The following PYCARD variants were observed in gnomAD, a reference collection of about 807,000 sequenced individuals.
PYCARD encodes PYD and CARD domain containing, also known as apoptosis-associated speck-like protein containing a CARD.
PYCARD carries 10 observed loss-of-function variants against 10.0 expected under a neutral mutation model. The observed-to-expected ratio is 1.00, with a 90% CI of 0.62 to 1.69. The LOEUF is 1.69. PYCARD is among the 40% of genes most tolerant of loss of function. The pLI is 0.00. For synonymous variants in PYCARD, 121 were observed against 122.3 expected, an observed-to-expected ratio of 0.99 and a Z score of 0.07; for missense variants, 239 against 260.2, an observed-to-expected ratio of 0.92 and a Z score of 0.56.
chr16:31,202,232 T>C lies in PYCARD; in HGVS notation c.275-29A>G. 2 of 1,594,740 alleles carry C rather than the reference T, an allele frequency of 1.3e-6. No homozygotes were observed. The highest frequency in any genetic ancestry group is 1.7e-6 in the Non-Finnish European group (2 of 1,176,946). ...GAAGGATATGGGCCAAGTGATCCCC[T>C]TCCCTTCCCTTCCCGCCGTGGGGCC... On this transcript the variant is annotated intron_variant, in intron 1 of 2. Coordinates refer to ENST00000247470, the MANE Select transcript of PYCARD (RefSeq NM_013258.5). The surrounding 1 kb of genome is among the most constrained non-coding windows in gnomAD (Gnocchi z 4.5).
Position 31,202,138 on chromosome 16 carries a change from A to C in PYCARD, c.331+9T>G, listed in dbSNP as rs2079447904. ...TGCGGTGGGGCCGGGCTGGGTGTGG[A>C]GGCCTCACCTGGCTTGGCTGCCGAC... On this transcript the variant is annotated intron_variant, in intron 2 of 2. Coordinates refer to ENST00000247470, the MANE Select transcript of PYCARD (RefSeq NM_013258.5). This position sits in a 1 kb window ranked among gnomAD's most constrained non-coding sequence, Gnocchi z 4.5. 1 of 1,606,228 alleles carries C rather than the reference A, an allele frequency of 6.2e-7. No homozygotes were observed. Among genetic ancestry groups the C allele is most frequent in the East Asian group, 2.2e-5 (1 of 44,802 alleles).
chr16:31,202,228 C>G lies in PYCARD; in HGVS notation c.275-25G>C. On this transcript the variant is annotated intron_variant, in intron 1 of 2. Coordinates refer to ENST00000247470, the MANE Select transcript of PYCARD (RefSeq NM_013258.5). The surrounding 1 kb of genome is among the most constrained non-coding windows in gnomAD (Gnocchi z 4.5). The stretch of plus-strand genomic sequence containing the variant: ...CCTGGAAGGATATGGGCCAAGTGAT[C>G]CCCTTCCCTTCCCTTCCCGCCGTGG... 1 of 1,600,056 alleles carries G rather than the reference C, an allele frequency of 6.2e-7. No homozygotes were observed. Among genetic ancestry groups the G allele is most frequent in the South Asian group, 1.1e-5 (1 of 90,732 alleles).
chr16:31,202,241 C>T lies in PYCARD; in HGVS notation c.275-38G>A, dbSNP rs2144172930. On this transcript the variant is annotated intron_variant, in intron 1 of 2. Transcript: ENST00000247470. This position sits in a 1 kb window ranked among gnomAD's most constrained non-coding sequence, Gnocchi z 4.5. The stretch of plus-strand genomic sequence containing the variant: ...GGGCCAAGTGATCCCCTTCCCTTCC[C>T]TTCCCGCCGTGGGGCCGGGGTCCCG... The T allele has an allele frequency of 1.9e-6, 3 of 1,594,786 alleles. No individual in the cohort carries two copies. Among genetic ancestry groups the T allele is most frequent in the Admixed American group, 3.4e-5 (2 of 59,118 alleles).
chr16:31,201,912 C>A, intron 2 of PYCARD, 71 bp from the exon 3 acceptor site: 1 of 1,586,890 alleles, frequency 6.3e-7, no homozygotes, highest in East Asian at 2.3e-5. Context: ...TTGAGTTCTT[C>A]AGGAATTCCT....
rs1330634759 is a variant in PYCARD at position 31,202,186 on chromosome 16, C to A, written c.292G>T (p.Ala98Ser). The A allele has an allele frequency of 6.2e-7, 1 of 1,605,512 alleles. No homozygotes were observed. The highest frequency in any genetic ancestry group is 8.5e-7 in the Non-Finnish European group (1 of 1,179,792). ...GACTGAGGAGGGGCCTGGATCCCAGCTGGCGCGGCTCCAGAGCCTGGAAGG... is the reference window on the plus strand; with the variant it reads ...GACTGAGGAGGGGCCTGGATCCCAGATGGCGCGGCTCCAGAGCCTGGAAGG... ...ATHQGSGAAPAGIQAPPQSAA... is the reference protein window; with the variant it reads ...ATHQGSGAAPSGIQAPPQSAA... Residue 98 changes from alanine (A) to serine (S), a missense_variant, in exon 2 of 3, where the codon GCT becomes TCT. Transcript: ENST00000247470. This position sits in a 1 kb window ranked among gnomAD's most constrained non-coding sequence, Gnocchi z 4.5.
At position 31,201,581 on chromosome 16, in the gene PYCARD, AGCCTCAGC is replaced by A; in HGVS notation, c.584_*3del. 6.2e-7 allele frequency: 1 copy of A among 1,609,576 alleles called. No homozygotes were observed. Among genetic ancestry groups the A allele is most frequent in the Non-Finnish European group, 8.5e-7 (1 of 1,176,616 alleles). The stretch of plus-strand genomic sequence containing the variant: ...GCTGACCGGAGTGTTGCTGGGAAGG[AGCCTCAGC>A]TCCGCTCCAGGTCCTCCACCAGGTA... On this transcript the variant is annotated stop_lost and 3_prime_UTR_variant, in exon 3 of 3. Transcript: ENST00000247470.
intron 2 of PYCARD, 144 bp downstream of exon 2, chr16:31,201,999 CCCTT>C: frequency 6.9e-7 from 1 of 1,448,212 alleles, no homozygotes; most frequent in African/African-American, 1.4e-5. Flanking sequence ...AATATTGTCT[CCCTT>C]CCCCCGCAGG....
chr16:31,202,755 G>T lies in PYCARD; in HGVS notation c.-65C>A, dbSNP rs1333171414. The T allele has an allele frequency of 6.7e-7, 1 of 1,500,640 alleles. No individual in the cohort carries two copies. The highest frequency in any genetic ancestry group is 8.8e-7 in the Non-Finnish European group (1 of 1,130,398). The allele number at this position is 1,500,640 out of a possible 1,614,324, so 93.0% of individuals were successfully genotyped here. ...TGCAGCCGCCGACCAGGAGGAAGTC[G>T]GCTCCGGGGCGGAACCTGGACTCCC... On this transcript the variant is annotated 5_prime_UTR_variant, in exon 1 of 3. Coordinates refer to ENST00000247470, the MANE Select transcript of PYCARD (RefSeq NM_013258.5). This position sits in a 1 kb window ranked among gnomAD's most constrained non-coding sequence, Gnocchi z 4.5.
chr16:31,202,534 T>C lies in PYCARD; in HGVS notation c.157A>G (p.Thr53Ala). ...AGGTAGAAGCTGACCAGCTTGTCGG[T>C]GAGGTCCAAGGCGTCCATGGACAGC... is the stretch of plus-strand genomic sequence containing the variant. ...ALLSMDALDL[T>A]DKLVSFYLET... The change falls in exon 1 of 3, where the codon ACC (threonine) becomes GCC (alanine). Residue 53 changes from threonine to alanine, a missense_variant. Thr to Ala is a moderately conservative substitution (Grantham distance 58, BLOSUM62 0). Transcript: ENST00000247470. This position sits in a 1 kb window ranked among gnomAD's most constrained non-coding sequence, Gnocchi z 4.5. 6.2e-7 allele frequency: 1 copy of C among 1,612,110 alleles called. No homozygotes were observed. The highest frequency in any genetic ancestry group is 2.2e-5 in the East Asian group (1 of 44,840).
chr16:31,202,682 G>A lies in PYCARD; in HGVS notation c.9C>T (p.Arg3=), dbSNP rs762992038. 6.4e-7 allele frequency: 1 copy of A among 1,572,838 alleles called. No individual in the cohort carries two copies. The change falls in exon 1 of 3, where the codon CGC becomes CGT. Residue 3 remains arginine (R), a synonymous_variant. Coordinates refer to ENST00000247470, the MANE Select transcript of PYCARD (RefSeq NM_013258.5). This position sits in a 1 kb window ranked among gnomAD's most constrained non-coding sequence, Gnocchi z 4.5. The part of the protein sequence containing the change: MG[R]ARDAILDALE... ...GCGCATCCAGGATGGCGTCGCGCGC[G>A]CGCCCCATGGCTCCAGGATCCCCGG...
At position 31,202,510 on chromosome 16, in the gene PYCARD, G is replaced by C; in HGVS notation, c.181C>G (p.Leu61Val). Residue 61 changes from leucine to valine, a missense_variant, in exon 1 of 3, where the codon CTG (leucine) becomes GTG (valine). By Grantham distance (32) the Leu-to-Val change is conservative (BLOSUM62 1). Transcript: ENST00000247470. This position sits in a 1 kb window ranked among gnomAD's most constrained non-coding sequence, Gnocchi z 4.5. Reference protein sequence around the residue: ...DLTDKLVSFYLETYGAELTAN... With the variant: ...DLTDKLVSFYVETYGAELTAN... ...GTGAGCTCGGCGCCGTAGGTCTCCA[G>C]GTAGAAGCTGACCAGCTTGTCGGTG... 1 of 1,609,104 alleles carries C rather than the reference G, an allele frequency of 6.2e-7. No individual in the cohort carries two copies. Among genetic ancestry groups the C allele is most frequent in the Non-Finnish European group, 8.5e-7 (1 of 1,178,438 alleles).
Position 31,202,431 on chromosome 16 carries a change from G to A in PYCARD, c.260C>T (p.Ala87Val). 6.5e-7 allele frequency: 1 copy of A among 1,541,974 alleles called. No homozygotes were observed. Among genetic ancestry groups the A allele is most frequent in the Non-Finnish European group, 8.7e-7 (1 of 1,143,786 alleles). Residue 87 changes from alanine to valine, a missense_variant, in exon 1 of 3, where the codon GCG becomes GTG. By Grantham distance (64) the Ala-to-Val change is moderately conservative. Coordinates refer to ENST00000247470, the MANE Select transcript of PYCARD (RefSeq NM_013258.5). This position sits in a 1 kb window ranked among gnomAD's most constrained non-coding sequence, Gnocchi z 4.5. ...GLQEMAGQLQ[A>V]ATHQGSGAAP... Reference sequence around the variant, plus strand: ...GGGCGGCTCACCCTGGTGCGTGGCCGCCTGCAGCTGCCCGGCCATCTCCTG... The same window carrying A: ...GGGCGGCTCACCCTGGTGCGTGGCCACCTGCAGCTGCCCGGCCATCTCCTG...
chr16:31,201,773 C>T lies in PYCARD; in HGVS notation c.400G>A (p.Asp134Asn). The change falls in exon 3 of 3, where the codon GAT (aspartate) becomes AAT (asparagine). Residue 134 changes from aspartate to asparagine, a missense_variant. Transcript: ENST00000247470. ...ARVTNVEWLL[D>N]ALYGKVLTDE... Reference sequence around the variant, plus strand: ...GTCAGGACCTTCCCGTACAGAGCATCCAGCAGCCACTCAACGTTTGTGACC... The same window carrying T: ...GTCAGGACCTTCCCGTACAGAGCATTCAGCAGCCACTCAACGTTTGTGACC... 1 of 1,614,204 alleles carries T rather than the reference C, an allele frequency of 6.2e-7. No individual in the cohort carries two copies. Among genetic ancestry groups the T allele is most frequent in the Non-Finnish European group, 8.5e-7 (1 of 1,180,038 alleles).
Position 31,202,680 on chromosome 16 carries a change from G to C in PYCARD, c.11C>G (p.Ala4Gly). ...CAGCGCATCCAGGATGGCGTCGCGCGCGCGCCCCATGGCTCCAGGATCCCC... is the reference window on the plus strand; with the variant it reads ...CAGCGCATCCAGGATGGCGTCGCGCCCGCGCCCCATGGCTCCAGGATCCCC... MGR[A>G]RDAILDALEN... is the part of the protein sequence containing the mutation. Residue 4 changes from alanine (A) to glycine (G), a missense_variant, in exon 1 of 3, where the codon GCG becomes GGG. Physicochemically the swap from Ala to Gly is moderately conservative, Grantham distance 60. Coordinates refer to ENST00000247470, the MANE Select transcript of PYCARD (RefSeq NM_013258.5). The surrounding 1 kb of genome is among the most constrained non-coding windows in gnomAD (Gnocchi z 4.5). 6.3e-7 allele frequency: 1 copy of C among 1,582,462 alleles called. No individual in the cohort carries two copies. The highest frequency in any genetic ancestry group is 8.6e-7 in the Non-Finnish European group (1 of 1,162,668).
chr16:31,202,563 G>A lies in PYCARD; in HGVS notation c.128C>T (p.Ala43Val). 1 of 1,612,788 alleles carries A rather than the reference G, an allele frequency of 6.2e-7. No individual in the cohort carries two copies. Among genetic ancestry groups the A allele is most frequent in the Non-Finnish European group, 8.5e-7 (1 of 1,179,744 alleles). The change falls in exon 1 of 3, where the codon GCG becomes GTG. Residue 43 changes from alanine to valine, a missense_variant. By Grantham distance (64) the Ala-to-Val change is moderately conservative. Coordinates refer to ENST00000247470, the MANE Select transcript of PYCARD (RefSeq NM_013258.5). This position sits in a 1 kb window ranked among gnomAD's most constrained non-coding sequence, Gnocchi z 4.5. ...GTCCAAGGCGTCCATGGACAGCAGCGCGCCCCGCGGGATGCGCCCGTAGCC... is the reference window on the plus strand; with the variant it reads ...GTCCAAGGCGTCCATGGACAGCAGCACGCCCCGCGGGATGCGCCCGTAGCC... ...REGYGRIPRG[A>V]LLSMDALDLT...
rs1174523878 is a variant in PYCARD, at chr16:31,201,532, G to A, written c.*53C>T. On this transcript the variant is annotated 3_prime_UTR_variant, in exon 3 of 3. Coordinates refer to ENST00000247470, the MANE Select transcript of PYCARD (RefSeq NM_013258.5). ...TTGTGTATAAAAAGATCAGATTCAG[G>A]ATGATTTGGTGGGATTGCCAGGGGC... 2.5e-6 allele frequency: 4 copies of A among 1,584,206 alleles called. No individual in the cohort carries two copies. The highest frequency in any genetic ancestry group is 3.4e-6 in the Non-Finnish European group (4 of 1,164,652).
chr16:31,201,999 C>T, intron 2 of PYCARD, 148 bp downstream of exon 2: 1 of 1,448,212 alleles, frequency 6.9e-7, no homozygotes, highest in Non-Finnish European at 9.2e-7. Flanking sequence ...AATATTGTCT[C>T]CCTTCCCCCG....
rs1397979669 is a variant in PYCARD, at chr16:31,202,013, G to C, written c.331+134C>G. 5.5e-6 allele frequency: 8 copies of C among 1,447,282 alleles called. No homozygotes were observed. In the African/African-American group the frequency reaches 7.0e-5, roughly 13 times the overall value. 89.7% of individuals were successfully genotyped at this position (1,447,282 alleles called of 1,614,324 possible). A position where few individuals can be genotyped will look rare whatever the true frequency, so the allele number is the denominator to read the frequency against. On this transcript the variant is annotated intron_variant, in intron 2 of 2. Transcript: ENST00000247470. The surrounding 1 kb of genome is among the most constrained non-coding windows in gnomAD (Gnocchi z 4.5). ...TAATATTGTCTCCCTTCCCCCGCAG[G>C]GTGTGGGTTGGTGGGTGGGGTGCGC...
intron 2 of PYCARD, 39 bp from the exon 3 acceptor site, chr16:31,201,880 G>T (rs1193800759): frequency 1.2e-6 from 2 of 1,607,252 alleles, no homozygotes. Flanking sequence ...CAGCCAGGGT[G>T]TGGGGCCTGT....
Sources: allele counts gnomAD v4.1 joint callset, GRCh38; gene constraint gnomAD v4.1.1; non-coding constraint Gnocchi (gnomAD v3.1); transcripts MANE v1.5; gene names NCBI Gene and HGNC (gene_info 2026-07-23, HGNC 2026-07-21).